SEC24A: variants seen among roughly 807,000 people sequenced by gnomAD.
SEC24A encodes protein transport protein Sec24A.
A neutral mutation model predicts 129.4 loss-of-function variants in SEC24A; 93 were observed. The observed-to-expected ratio is 0.72, with a 90% CI of 0.61 to 0.85. The LOEUF is 0.85. SEC24A is among the 40% of genes least tolerant of loss of function. The pLI is 0.00. For missense variants in SEC24A, 1,264 were observed against 1,307.4 expected, an observed-to-expected ratio of 0.97 and a Z score of 0.51; for synonymous variants, 460 against 467.3, an observed-to-expected ratio of 0.98 and a Z score of 0.20.
intron 11 of SEC24A, among the ~76,000 whole-genome samples, chr5:134,691,255 C>G (rs1432877850): frequency 2.0e-5 from 3 of 150,028 alleles, no homozygotes; most frequent in African/African-American, 7.4e-5. Context: ...TCACTGCAAA[C>G]TCTGCCTCCT....
rs1187411731 is a variant in SEC24A, at chr5:134,708,715, G to C, written c.2554G>C (p.Val852Leu). Reference sequence around the variant, plus strand: ...GTCCTTACCCTCACCTTGCTTAGCTGTTGACAGATCTATGACTGCCAGTCT... The same window carrying C: ...GTCCTTACCCTCACCTTGCTTAGCTCTTGACAGATCTATGACTGCCAGTCT... ...AISGLLANMAVDRSMTASLSD... is the reference protein window; with the variant it reads ...AISGLLANMALDRSMTASLSD... Residue 852 changes from valine (V) to leucine (L), a missense_variant and splice_region_variant, in exon 18 of 23, where the codon GTT becomes CTT. Physicochemically the swap from Val to Leu is conservative, Grantham distance 32. Transcript: ENST00000398844. 1.2e-6 allele frequency: 2 copies of C among 1,612,090 alleles called. No homozygotes were observed. Among genetic ancestry groups the C allele is most frequent in the Non-Finnish European group, 1.7e-6 (2 of 1,179,436 alleles).
intron 1 of SEC24A, among the ~76,000 whole-genome samples, chr5:134,656,897 T>C (rs976312069): frequency 2.6e-5 from 4 of 151,742 alleles, no homozygotes; most frequent in African/African-American, 7.3e-5. Flanking sequence ...TCCTTGATCC[T>C]TGATCAAGTG....
rs1750441372 is a variant in SEC24A at position 134,661,127 on chromosome 5, C to T, written c.106C>T (p.Gln36Ter). The change falls in exon 2 of 23, where the codon CAA becomes TAA. Residue 36 changes from glutamine to a stop codon, truncating the protein, a stop_gained. Coordinates refer to ENST00000398844, the MANE Select transcript of SEC24A (RefSeq NM_021982.3). LOFTEE classifies it high-confidence loss of function. ...CCTCCTTTTATTGGAAGGTCCTGTC[C>T]AAAATGCATTGCTGTCTTCACAAGA... ...SGSPYTNGPV[Q>*]NALLSSQESV... 1 of 1,600,886 alleles carries T rather than the reference C, an allele frequency of 6.2e-7. No homozygotes were observed. Among genetic ancestry groups the T allele is most frequent in the Non-Finnish European group, 8.5e-7 (1 of 1,173,216 alleles).
intron 12 of SEC24A, chr5:134,693,460 C>G: frequency 7.3e-7 from 1 of 1,377,628 alleles, no homozygotes; most frequent in Non-Finnish European, 9.4e-7. Context: ...TGTGATGGTT[C>G]TTTTGGATAC....
Position 134,673,532 on chromosome 5 carries a change from C to T in SEC24A, c.818-1083C>T, listed in dbSNP as rs199772627. On this transcript the variant is annotated intron_variant, in intron 4 of 22. Coordinates refer to ENST00000398844, the MANE Select transcript of SEC24A (RefSeq NM_021982.3). ...GGCTGGAGTGCAGTGGGCACAATCT[C>T]GGCTCACCTCCACCTCCTGGATTCA... 4.6e-5 allele frequency among the ~76,000 whole-genome samples: 7 copies of T among 152,048 alleles called. No individual in the cohort carries two copies. The East Asian group carries it at 7.8e-4, about 17-fold the overall frequency.
At chr5:134,717,140 A>C (rs1438465149) in intron 19 of SEC24A, among the ~76,000 whole-genome samples, 1 of 151,878 alleles carries the variant, frequency 6.6e-6, no homozygotes, top group East Asian at 2.0e-4. Flanking sequence ...CAGCCTCCCA[A>C]AGTGCTGGAA....
At chr5:134,721,232 A>G (rs566021090) in intron 21 of SEC24A, 142 bp downstream of exon 21, 2 of 595,494 alleles carry the variant, frequency 3.4e-6, no homozygotes, top group African/African-American at 3.8e-5. Flanking sequence ...GATGGATTCT[A>G]TGACTCCACT....
intron 1 of SEC24A, among the ~76,000 whole-genome samples, chr5:134,652,045 C>G (rs1029286454): frequency 6.6e-6 from 1 of 151,584 alleles, no homozygotes. Flanking sequence ...CCTCAGCCTC[C>G]TGAGCAACTG....
In SEC24A at chr5:134,671,878, G is replaced by C. The variant is rs762741979; in HGVS notation, c.809G>C (p.Gly270Ala). 2 of 1,605,032 alleles carry C rather than the reference G, an allele frequency of 1.2e-6. No homozygotes were observed. Among genetic ancestry groups the C allele is most frequent in the Admixed American group, 1.7e-5 (1 of 58,982 alleles). ...HSSYDEIEGG[G>A]LLATPQLTNK... ...AGTTACGACGAGATTGAAGGAGGTG[G>C]CTTATTGGGTGAGATGCTATGAAAG... Residue 270 changes from glycine (G) to alanine (A), a missense_variant, in exon 4 of 23, where the codon GGC (glycine) becomes GCC (alanine). Coordinates refer to ENST00000398844, the MANE Select transcript of SEC24A (RefSeq NM_021982.3).
chr5:134,673,003 G>A (rs1187551574), intron 4 of SEC24A, among the ~76,000 whole-genome samples: 1 of 150,384 alleles, frequency 6.6e-6, no homozygotes, highest in Non-Finnish European at 1.5e-5. Context: ...TTGGTTCCCC[G>A]ATTTGCTGGG....
chr5:134,705,603 T>C (rs1752138435), intron 17 of SEC24A, among the ~76,000 whole-genome samples, 166 bp downstream of exon 17: 1 of 152,172 alleles, frequency 6.6e-6, no homozygotes, highest in Admixed American at 6.6e-5. Context: ...TAATCTTATC[T>C]TTTTTGTTTG....
intron 8 of SEC24A, among the ~76,000 whole-genome samples, chr5:134,679,940 A>G (rs887882283): frequency 6.6e-6 from 1 of 152,138 alleles, no homozygotes; most frequent in Non-Finnish European, 1.5e-5. Flanking sequence ...TAATGATAGT[A>G]TTACATGGAT....
At chr5:134,688,773 G>A (rs149852204) in intron 11 of SEC24A, among the ~76,000 whole-genome samples, 2,264 of 152,122 alleles carry the variant, frequency 0.015, 72 homozygotes, top group Admixed American at 0.078. Context: ...TATGCCTCCC[G>A]GTTTCAAGCA....
chr5:134,678,862 G>GT (rs1243919717), intron 7 of SEC24A, among the ~76,000 whole-genome samples: 1 of 152,020 alleles, frequency 6.6e-6, no homozygotes, highest in East Asian at 1.9e-4. Context: ...TTACAGGCAT[G>GT]AGCCACCACG....
At chr5:134,679,461 A>T in intron 7 of SEC24A, 141 bp from the exon 8 acceptor site, 1 of 470,602 alleles carries the variant, frequency 2.1e-6, no homozygotes, top group Non-Finnish European at 3.8e-6. Context: ...TGTGTATGGC[A>T]GTTTAGATAC....
chr5:134,667,475 C>A (rs1002141236), intron 3 of SEC24A, among the ~76,000 whole-genome samples: 14 of 151,214 alleles, frequency 9.3e-5, no homozygotes, highest in African/African-American at 2.9e-4. Context: ...ATGGTGAAAC[C>A]CCATCTCTAC....
At chr5:134,723,473 AT>A (rs1027540577) in intron 21 of SEC24A, 93 bp from the exon 22 acceptor site, 7 of 776,480 alleles carry the variant, frequency 9.0e-6, no homozygotes, top group Non-Finnish European at 1.5e-5. Flanking sequence ...AAGAAAAAAA[AT>A]GTAATTAAAA....
chr5:134,656,507 A>G (rs1750250499), intron 1 of SEC24A, among the ~76,000 whole-genome samples: 1 of 151,926 alleles, frequency 6.6e-6, no homozygotes, highest in Non-Finnish European at 1.5e-5. Flanking sequence ...TTTGAGACAG[A>G]GTCTTGCTCT....
At chr5:134,682,278 T>G in intron 8 of SEC24A, 95 bp from the exon 9 acceptor site, 1 of 629,778 alleles carries the variant, frequency 1.6e-6, no homozygotes, top group Non-Finnish European at 2.8e-6. Flanking sequence ...ATTTAATGAA[T>G]GTTTGTCATC....
Sources: gnomAD v4.1 joint callset for allele counts (sites outside exome capture counted in the v4.1 genomes callset) on GRCh38, gnomAD v4.1.1 for gene constraint, MANE v1.5 for transcripts, NCBI Gene and HGNC (gene_info 2026-07-23, HGNC 2026-07-21) for gene names.